Variants in NBPF20 observed in about 807,000 individuals in gnomAD.
NBPF20 encodes the protein NBPF member 20, also known as NBPF family member NBPF20.
NBPF20 carries 90 observed loss-of-function variants against 68.1 expected under a neutral mutation model. That is an observed-to-expected ratio of 1.32 (90% CI 1.11 to 1.58). The LOEUF (loss-of-function observed/expected upper bound fraction) is 1.58, where lower values mean the gene tolerates loss of function less well. Ranked by LOEUF, NBPF20 falls within the 40% of genes most tolerant of loss-of-function variation. NBPF20 has a pLI of 0.00. For missense variants in NBPF20, 816 were observed against 601.2 expected, an observed-to-expected ratio of 1.36 and a Z score of -3.74; for synonymous variants, 290 against 228.1, an observed-to-expected ratio of 1.27 and a Z score of -2.45.
rs1553666555 is a variant in NBPF20 at position 145,404,764 on chromosome 1, A to G, written c.175+334T>C. On this transcript the variant is annotated intron_variant, in intron 2 of 137. Transcript: ENST00000369373. ...TCCTAGACATTTAGAACAACAGACT[A>G]CATGTTATTTGTCTGCAGGATCTTA... is the stretch of plus-strand genomic sequence containing the variant. Among the ~76,000 whole-genome samples the G allele has an allele frequency of 2.0e-5, 3 of 152,014 alleles. 1 individual carries two copies. The highest frequency in any genetic ancestry group is 2.0e-4 in the Admixed American group (3 of 15,280).
In NBPF20 at chr1:145,291,409, G is replaced by T. The variant is rs1293874845; in HGVS notation, c.*117C>A. On this transcript the variant is annotated 3_prime_UTR_variant, in exon 138 of 138. Transcript: ENST00000369373. Reference sequence around the variant, plus strand: ...GGTTTGAGAATAGGAATACAGCCATGCCCACTGACCCATCCTATGTCTGGG... The same window carrying T: ...GGTTTGAGAATAGGAATACAGCCATTCCCACTGACCCATCCTATGTCTGGG... The T allele has an allele frequency of 3.1e-6, 5 of 1,601,240 alleles. No homozygotes were observed. The African/African-American group carries it at 6.7e-5, about 22-fold the overall frequency.
the NBPF20 span, among the ~76,000 whole-genome samples, chr1:145,419,337 ACTAG>A: frequency 6.6e-6 from 1 of 152,194 alleles, no homozygotes; most frequent in East Asian, 1.9e-4. Context: ...GAACACGCTA[ACTAG>A]TTATTGGAGA....
chr1:145,314,253 G>GAC (rs1457617266), intron 109 of NBPF20, among the ~76,000 whole-genome samples: 42 of 136,296 alleles, frequency 3.1e-4, no homozygotes, highest in East Asian at 1.3e-3. Context: ...CACACACACA[G>GAC]ACACACACAC....
Position 145,400,609 on chromosome 1 carries a change from G to A in NBPF20, c.567-15C>T, listed in dbSNP as rs1187502944. ...TCTGCATCTCCCTGATGAGCCAGGT[G>A]GGACAGAGATGACAGAAGATTAAAC... On this transcript the variant is annotated splice_polypyrimidine_tract_variant and intron_variant, in intron 5 of 137. Coordinates refer to ENST00000369373, the Ensembl canonical transcript of NBPF20. 3 of 1,609,582 alleles carry A rather than the reference G, an allele frequency of 1.9e-6. No homozygotes were observed. Among genetic ancestry groups the A allele is most frequent in the African/African-American group, 1.3e-5 (1 of 74,888 alleles).
At chr1:145,397,836 A>T (rs1458671276) in intron 7 of NBPF20, among the ~76,000 whole-genome samples, 2 of 152,316 alleles carry the variant, frequency 1.3e-5, no homozygotes, top group Admixed American at 6.5e-5. Flanking sequence ...TACTCAGGAA[A>T]CCCATCTCAC....
At chr1:145,412,251 G>A in the NBPF20 span, among the ~76,000 whole-genome samples, 13 of 151,904 alleles carry the variant, frequency 8.6e-5, no homozygotes, top group African/African-American at 1.4e-4. Flanking sequence ...GTTTCTTTTC[G>A]GCTACTTTGT....
chr1:145,417,621 C>CAAAAAAAA, the NBPF20 span, among the ~76,000 whole-genome samples: 3 of 53,166 alleles, frequency 5.6e-5, no homozygotes, highest in Admixed American at 2.2e-4. Flanking sequence ...CAACACAAAG[C>CAAAAAAAA]AAAAAAAAAA....
the NBPF20 span, among the ~76,000 whole-genome samples, chr1:145,424,020 G>A: frequency 1.0e-4 from 15 of 145,534 alleles, 1 homozygote; most frequent in African/African-American, 3.6e-4. Flanking sequence ...CTGCCACCCA[G>A]GCGGGAGTGC....
At chr1:145,296,088 T>C (rs1193305569) in intron 132 of NBPF20, 1 of 157,202 alleles carries the variant, frequency 6.4e-6, no homozygotes, top group East Asian at 2.1e-4. Context: ...TCTGCCCAGG[T>C]CCAACATCAT....
intron 136 of NBPF20, among the ~76,000 whole-genome samples, chr1:145,292,995 C>T (rs1475515106): frequency 2.9e-4 from 1 of 3,468 alleles, no homozygotes; most frequent in Non-Finnish European, 6.1e-4. Flanking sequence ...CAGGTATGGC[C>T]TGAGACTAGG....
At chr1:145,292,641 T>C (rs367684760) in intron 136 of NBPF20, among the ~76,000 whole-genome samples, 152 bp from the exon 142 acceptor site, 4 of 148,404 alleles carry the variant, frequency 2.7e-5, no homozygotes, top group African/African-American at 7.8e-5. Context: ...TGAAGGCTGT[T>C]CATGATAGAA....
chr1:145,424,559 C>T, the NBPF20 span, among the ~76,000 whole-genome samples: 3 of 152,128 alleles, frequency 2.0e-5, no homozygotes. Context: ...AACACTGTAA[C>T]CCAAAGAAAA....
rs1380851300 is a variant in NBPF20, at chr1:145,393,698, A to G, written c.1043+186T>C. The G allele has an allele frequency of 1.7e-5, 24 of 1,453,194 alleles. No homozygotes were observed. The Admixed American group carries it at 1.7e-4, about 10-fold the overall frequency. 90.0% of individuals were successfully genotyped at this position (1,453,194 alleles called of 1,614,324 possible). ...TCAACTTTCACTAGGTTAGTAAATG[A>G]TAAGGGTAGGAAGAAATGGAAACCT... On this transcript the variant is annotated intron_variant, in intron 9 of 137. Transcript: ENST00000369373.
exon 138 of NBPF20, chr1:145,290,084 T>G (rs1553656907): frequency 6.7e-6 from 1 of 149,902 alleles, no homozygotes; most frequent in Non-Finnish European, 1.5e-5. Flanking sequence ...AATGTCTTCT[T>G]CTTTTTGCAA....
rs1571344956 is a variant in NBPF20, at chr1:145,294,988, G to A, written c.16191-34C>T. The A allele has an allele frequency of 1.3e-4, 43 of 335,354 alleles. No homozygotes were observed. In the East Asian group the frequency reaches 2.7e-3, roughly 21 times the overall value. The allele number at this position is 335,354 out of a possible 1,614,324, so 20.8% of individuals were successfully genotyped here. A position where few individuals can be genotyped will look rare whatever the true frequency, so the allele number is the denominator to read the frequency against. ...GTAGGAAAAAGTAAAGAATAAGCCAGGGGGAATCAGAAACCACACAGCCCC... is the reference window on the plus strand; with the variant it reads ...GTAGGAAAAAGTAAAGAATAAGCCAAGGGGAATCAGAAACCACACAGCCCC... On this transcript the variant is annotated intron_variant, in intron 133 of 137. Transcript: ENST00000369373.
chr1:145,394,200 A>G (rs1662098600), intron 8 of NBPF20, among the ~76,000 whole-genome samples: 1 of 151,926 alleles, frequency 6.6e-6, no homozygotes, highest in South Asian at 2.1e-4. Context: ...ACAAATGAGA[A>G]ATTTTTTCCC....
intron 2 of NBPF20, among the ~76,000 whole-genome samples, chr1:145,404,520 G>T (rs1287895880): frequency 6.6e-6 from 1 of 152,112 alleles, no homozygotes; most frequent in Non-Finnish European, 1.5e-5. Flanking sequence ...GCCTCCCAAA[G>T]TGCTGAGATT....
Position 145,402,295 on chromosome 1 carries a change from G to C in NBPF20, c.365C>G (p.Ser122Ter). The change falls in exon 4 of 138, where the codon TCA (serine) becomes TGA (stop). Residue 122 changes from serine to a stop codon, truncating the protein, a stop_gained. Coordinates refer to ENST00000369373, the Ensembl canonical transcript of NBPF20. LOFTEE classifies it high-confidence loss of function. ...GAGGGCCTGGAGATGCTCATTCAATGAGCGGGAGGCATCTCTCCCTTCCCG... is the reference window on the plus strand; with the variant it reads ...GAGGGCCTGGAGATGCTCATTCAATCAGCGGGAGGCATCTCTCCCTTCCCG... 6.2e-7 allele frequency: 1 copy of C among 1,610,528 alleles called. No homozygotes were observed. Among genetic ancestry groups the C allele is most frequent in the Non-Finnish European group, 8.5e-7 (1 of 1,178,392 alleles).
chr1:145,402,358 G>C, exon 4 of NBPF20: 1 of 1,604,088 alleles, frequency 6.2e-7, no homozygotes, highest in Non-Finnish European at 8.5e-7. Context: ...TCGTTCCTGA[G>C]CGTGAACCAG....
Sources: gnomAD v4.1 joint callset for allele counts (sites outside exome capture counted in the v4.1 genomes callset) on GRCh38, gnomAD v4.1.1 for gene constraint, MANE v1.5 for transcripts, NCBI Gene and HGNC (gene_info 2026-07-23, HGNC 2026-07-21) for gene names.